The following ZNF697 variants were observed in gnomAD, a reference collection of about 807,000 sequenced individuals.
ZNF697 encodes the protein zinc finger protein 697.
ZNF697 carries 23 observed loss-of-function variants against 32.4 expected under a neutral mutation model. The observed-to-expected ratio is 0.71, with a 90% CI of 0.51 to 1.01. ZNF697 has a LOEUF of 1.01. Among genes scored for constraint, ZNF697 ranks in the 50% least tolerant of loss-of-function variants. The probability of loss-of-function intolerance (pLI) is 0.00; values close to 1 mark genes in which losing one functional copy is unlikely to be tolerated. For missense variants in ZNF697, 930 were observed against 794.0 expected (o/e 1.17, Z -2.06); for synonymous variants, 418 against 337.2 (o/e 1.24, Z -2.62).
chr1:119,646,707 G>A (rs1176250023), intron 1 of ZNF697, among the ~76,000 whole-genome samples: 2 of 152,154 alleles, frequency 1.3e-5, no homozygotes, highest in African/African-American at 4.8e-5. Context: ...ATGTTGGCTT[G>A]TTGAGAGAAG....
At chr1:119,624,414 C>T (rs1461156736) in intron 2 of ZNF697, among the ~76,000 whole-genome samples, 1 of 152,192 alleles carries the variant, frequency 6.6e-6, no homozygotes, top group Non-Finnish European at 1.5e-5. Flanking sequence ...GGCCTGACTG[C>T]CTGTGTTCAG....
intron 1 of ZNF697, among the ~76,000 whole-genome samples, chr1:119,646,322 AACACACACACACACACACAC>A (rs61339576): frequency 1.0e-4 from 14 of 136,830 alleles, no homozygotes; most frequent in Non-Finnish European, 2.0e-4. Context: ...CCCCACTTCC[AACACACACACACACACACAC>A]ACACACACAC....
intron 1 of ZNF697, among the ~76,000 whole-genome samples, chr1:119,640,797 G>A (rs1649046408): frequency 6.6e-6 from 1 of 152,220 alleles, no homozygotes. Flanking sequence ...AAGTTGCTGG[G>A]TAAGGCAGGG....
rs587723571 is a variant in ZNF697 at position 119,622,598 on chromosome 1, C to T, written c.*107G>A. 5 of 1,429,932 alleles carry T rather than the reference C, an allele frequency of 3.5e-6. No individual in the cohort carries two copies. Among genetic ancestry groups the T allele is most frequent in the Non-Finnish European group, 4.6e-6 (5 of 1,095,558 alleles). The allele number at this position is 1,429,932 out of a possible 1,614,324, so 88.6% of individuals were successfully genotyped here. ...AAACACCAAAGGCTCCCCAGTCACT[C>T]TCAGATTGTCCCTCCCGCCCCTTCC... On this transcript the variant is annotated 3_prime_UTR_variant, in exon 3 of 3. Coordinates refer to ENST00000421812, the MANE Select transcript of ZNF697 (RefSeq NM_001080470.2).
rs58387828 is a variant in ZNF697, at chr1:119,633,356, A to ATGTGTGTGTG, written c.-37-7229_-37-7220dup. Among the ~76,000 whole-genome samples the ATGTGTGTGTG allele has an allele frequency of 4.2e-3, 605 of 143,246 alleles. 9 individuals carry two copies. Among genetic ancestry groups the ATGTGTGTGTG allele is most frequent in the Middle Eastern group, 0.014 (4 of 276 alleles). 94.0% of individuals were successfully genotyped at this position (143,246 alleles called of 152,430 possible). A position where few individuals can be genotyped will look rare whatever the true frequency, so the allele number is the denominator to read the frequency against. On this transcript the variant is annotated intron_variant, in intron 1 of 2. Transcript: ENST00000421812. The stretch of plus-strand genomic sequence containing the variant: ...GGGTCCTCCTAAGAGAACCAATAGG[A>ATGTGTGTGTG]TGTGTGTGTGTGTGTGTGTGTGTGT...
chr1:119,646,190 T>C (rs1557943454), intron 1 of ZNF697, among the ~76,000 whole-genome samples: 1 of 152,174 alleles, frequency 6.6e-6, no homozygotes, highest in South Asian at 2.1e-4. Flanking sequence ...CATCTATGTG[T>C]TCCTTTGTGT....
chr1:119,634,732 G>T (rs898805780), intron 1 of ZNF697, among the ~76,000 whole-genome samples: 1 of 152,066 alleles, frequency 6.6e-6, no homozygotes, highest in Non-Finnish European at 1.5e-5. Flanking sequence ...GAGACCTGTA[G>T]GTCAAAAAAC....
intron 1 of ZNF697, among the ~76,000 whole-genome samples, chr1:119,634,757 C>A (rs1199016012): frequency 6.6e-6 from 1 of 152,164 alleles, no homozygotes; most frequent in Non-Finnish European, 1.5e-5. Flanking sequence ...ACAATATCAA[C>A]CAACCCCAAT....
chr1:119,626,576 T>C (rs12067381), intron 1 of ZNF697, among the ~76,000 whole-genome samples: 27,671 of 152,216 alleles, frequency 0.18, 5,660 homozygotes, highest in African/African-American at 0.51. Flanking sequence ...TTTCATACTC[T>C]TATTAAGCTT....
At position 119,629,109 on chromosome 1, in the gene ZNF697, G is replaced by A. The variant is rs587735837; in HGVS notation, c.-37-2972C>T. 4.6e-5 allele frequency among the ~76,000 whole-genome samples: 7 copies of A among 152,238 alleles called. No homozygotes were observed. The South Asian group carries it at 6.2e-4, about 14-fold the overall frequency. Reference sequence around the variant, plus strand: ...ACATACCCTTGCAAGTCTAGCTCCCGTACACACATTCTTAACCAGAAGCTG... The same window carrying A: ...ACATACCCTTGCAAGTCTAGCTCCCATACACACATTCTTAACCAGAAGCTG... On this transcript the variant is annotated intron_variant, in intron 1 of 2. Coordinates refer to ENST00000421812, the MANE Select transcript of ZNF697 (RefSeq NM_001080470.2).
At chr1:119,625,761 G>A in intron 2 of ZNF697, 114 bp downstream of exon 2, 1 of 1,362,404 alleles carries the variant, frequency 7.3e-7, no homozygotes, top group South Asian at 1.5e-5. Context: ...CTGCTTAATG[G>A]TCCCCTCTAT....
chr1:119,634,202 C>T (rs587605232), intron 1 of ZNF697, among the ~76,000 whole-genome samples: 1 of 152,312 alleles, frequency 6.6e-6, no homozygotes, highest in East Asian at 1.9e-4. Flanking sequence ...CAAGAGAATG[C>T]TTATCATAGC....
At chr1:119,640,814 G>A (rs1649047045) in intron 1 of ZNF697, among the ~76,000 whole-genome samples, 1 of 152,242 alleles carries the variant, frequency 6.6e-6, no homozygotes, top group Non-Finnish European at 1.5e-5. Context: ...AGGGCAGGGA[G>A]TGCATTCAAA....
rs150352509 is a variant in ZNF697 at position 119,623,431 on chromosome 1, C to T, written c.912G>A (p.Leu304=). 2,036 of 1,540,122 alleles carry T rather than the reference C, an allele frequency of 1.3e-3. 30 individuals carry two copies. The African/African-American group carries it at 0.025, about 19-fold the overall frequency. Residue 304 remains leucine, a synonymous_variant, in exon 3 of 3, where the codon CTG becomes CTA. Transcript: ENST00000421812. ...CGKSFSWRAD[L]LKHRRLHTGE... ...CCGTGTGCAGGCGCCGGTGCTTGAG[C>T]AGGTCGGCGCGCCAGCTGAAGCTCT...
chr1:119,632,570 C>T (rs999465843), intron 1 of ZNF697, among the ~76,000 whole-genome samples: 3 of 152,216 alleles, frequency 2.0e-5, no homozygotes, highest in African/African-American at 7.2e-5. Context: ...TTTGAGGCTC[C>T]TTCCAATCTC....
chr1:119,638,934 C>T (rs1030921051), intron 1 of ZNF697, among the ~76,000 whole-genome samples: 4 of 152,262 alleles, frequency 2.6e-5, no homozygotes, highest in East Asian at 1.9e-4. Context: ...TGGTGTGCCC[C>T]GGGACAGCTA....
rs1406462829 is a variant in ZNF697, at chr1:119,622,657, C to T, written c.*48G>A. 1 of 1,463,722 alleles carries T rather than the reference C, an allele frequency of 6.8e-7. No individual in the cohort carries two copies. Among genetic ancestry groups the T allele is most frequent in the Non-Finnish European group, 9.0e-7 (1 of 1,108,902 alleles). The allele number at this position is 1,463,722 out of a possible 1,614,324, so 90.7% of individuals were successfully genotyped here. A position where few individuals can be genotyped will look rare whatever the true frequency, so the allele number is the denominator to read the frequency against. ...TTCCCCTGGGTCAGTCCCAGGATAT[C>T]TACCCCCCACAGGCTCCCCAGACGG... On this transcript the variant is annotated 3_prime_UTR_variant, in exon 3 of 3. Coordinates refer to ENST00000421812, the MANE Select transcript of ZNF697 (RefSeq NM_001080470.2).
Position 119,625,929 on chromosome 1 carries a change from C to G in ZNF697, c.172G>C (p.Gly58Arg). ...KREGHPEPEM[G>R]SNPQDSRHRE... ...TGCCTTGAGTCCTGTGGGTTGGAGC[C>G]CATCTCCGGCTCCGGATGGCCTTCT... The change falls in exon 2 of 3, where the codon GGC (glycine) becomes CGC (arginine). Residue 58 changes from glycine to arginine, a missense_variant. Gly to Arg is a moderately radical substitution (Grantham distance 125). Coordinates refer to ENST00000421812, the MANE Select transcript of ZNF697 (RefSeq NM_001080470.2). 6.2e-7 allele frequency: 1 copy of G among 1,613,988 alleles called. No homozygotes were observed. The highest frequency in any genetic ancestry group is 2.2e-5 in the East Asian group (1 of 44,882).
At chr1:119,631,483 G>A (rs888197291) in intron 1 of ZNF697, among the ~76,000 whole-genome samples, 1 of 152,244 alleles carries the variant, frequency 6.6e-6, no homozygotes, top group Non-Finnish European at 1.5e-5. Flanking sequence ...AAGCGCGTTA[G>A]GACTGGAAGA....
Sources: gnomAD v4.1 joint callset for allele counts (sites outside exome capture counted in the v4.1 genomes callset) on GRCh38, gnomAD v4.1.1 for gene constraint, MANE v1.5 for transcripts, NCBI Gene and HGNC (gene_info 2026-07-23, HGNC 2026-07-21) for gene names.